Variants in PTPRN observed in about 807,000 individuals in gnomAD.
PTPRN encodes receptor-type tyrosine-protein phosphatase-like N.
A neutral mutation model predicts 108.5 loss-of-function variants in PTPRN; 70 were observed. The observed-to-expected ratio is 0.65, with a 90% CI of 0.53 to 0.79. The LOEUF (loss-of-function observed/expected upper bound fraction) is 0.79. Among genes scored for constraint, PTPRN ranks in the 30% least tolerant of loss-of-function variants. The pLI is 0.00. For synonymous variants in PTPRN, 496 were observed against 524.6 expected (o/e 0.95, Z 0.75); for missense variants, 1,136 against 1,295.5 (o/e 0.88, Z 1.89).
chr2:219,301,953 G>A (rs754929625), intron 6 of PTPRN, among the ~76,000 whole-genome samples, 184 bp downstream of exon 6: 4 of 152,160 alleles, frequency 2.6e-5, no homozygotes, highest in Admixed American at 6.6e-5. Context: ...GGAGAGTCAC[G>A]TCAACTCCAC....
Position 219,289,869 on chromosome 2 carries a change from A to G in PTPRN, c.*357T>C. ...CCACCCCATTCTTCCATACTGGAGC[A>G]TAGGGGGACACACACAGATGTTCAG... is the stretch of plus-strand genomic sequence containing the variant. On this transcript the variant is annotated 3_prime_UTR_variant, in exon 23 of 23. Transcript: ENST00000295718. 4.2e-6 allele frequency: 1 copy of G among 239,584 alleles called. No individual in the cohort carries two copies. Among genetic ancestry groups the G allele is most frequent in the South Asian group, 6.2e-5 (1 of 16,240 alleles). The allele number at this position is 239,584 out of a possible 1,614,324, so 14.8% of individuals were successfully genotyped here. A position where few individuals can be genotyped will look rare whatever the true frequency, so the allele number is the denominator to read the frequency against.
At position 219,297,281 on chromosome 2, in the gene PTPRN, C is replaced by T. The variant is rs1296237082; in HGVS notation, c.2040G>A (p.Glu680=). ...SSHSSTPSWC[E]EPAQANMDIS... ...TGTCCATGTTGGCTTGGGCCGGCTC[C>T]TCGCACCAGGACGGGGTGCTGCTGT... is the stretch of plus-strand genomic sequence containing the variant. The change falls in exon 14 of 23, where the codon GAG becomes GAA. Residue 680 remains glutamate (E), a synonymous_variant. Transcript: ENST00000295718. This position sits in a 1 kb window ranked among gnomAD's most constrained non-coding sequence, Gnocchi z 6.0. The T allele has an allele frequency of 1.2e-6, 2 of 1,614,090 alleles. No individual in the cohort carries two copies. The highest frequency in any genetic ancestry group is 1.7e-5 in the Admixed American group (1 of 60,022).
At chr2:219,299,904 G>C in intron 9 of PTPRN, 81 bp downstream of exon 9, 1 of 1,585,316 alleles carries the variant, frequency 6.3e-7, no homozygotes, top group East Asian at 2.2e-5. Context: ...TGCACGTCTG[G>C]ATTTCTGCCC....
chr2:219,301,255 A>G (rs1034609512), intron 7 of PTPRN, among the ~76,000 whole-genome samples: 2 of 152,122 alleles, frequency 1.3e-5, no homozygotes, highest in African/African-American at 2.4e-5. Context: ...CCCATCAATT[A>G]CTGGCTTCTT....
In PTPRN at chr2:219,302,215, C is replaced by T. The variant is rs768930344; in HGVS notation, c.916G>A (p.Glu306Lys). 6.2e-7 allele frequency: 1 copy of T among 1,614,090 alleles called. No individual in the cohort carries two copies. The highest frequency in any genetic ancestry group is 1.1e-5 in the South Asian group (1 of 91,074). Residue 306 changes from glutamate (E) to lysine (K), a missense_variant, in exon 6 of 23, where the codon GAG (glutamate) becomes AAG (lysine). Physicochemically the swap from Glu to Lys is moderately conservative, Grantham distance 56. Coordinates refer to ENST00000295718, the MANE Select transcript of PTPRN (RefSeq NM_002846.4). ...TTCTCATAGCCCTCTGGGGAGTCCTCTGCCCGGCTGCTGCTCCCTTGCTCT... is the reference window on the plus strand; with the variant it reads ...TTCTCATAGCCCTCTGGGGAGTCCTTTGCCCGGCTGCTGCTCCCTTGCTCT... The part of the protein sequence containing the change: ...LPEQGSSSRA[E>K]DSPEGYEKEG...
At position 219,307,658 on chromosome 2, in the gene PTPRN, C is replaced by T. The variant is rs1012958902; in HGVS notation, c.167-101G>A. The T allele has an allele frequency of 2.8e-6, 4 of 1,445,530 alleles. No homozygotes were observed. In the African/African-American group the frequency reaches 5.6e-5, roughly 20 times the overall value. 89.5% of individuals were successfully genotyped at this position (1,445,530 alleles called of 1,614,324 possible). On this transcript the variant is annotated intron_variant, in intron 2 of 22. Transcript: ENST00000295718. ...ACTCTCTTCACTTTCTCCCCTACCT[C>T]TCCTCCTCCAGGCAAGTCTTCCTTC...
At position 219,299,346 on chromosome 2, in the gene PTPRN, T is replaced by A; in HGVS notation, c.1562A>T (p.Asn521Ile). 1 of 1,614,250 alleles carries A rather than the reference T, an allele frequency of 6.2e-7. No individual in the cohort carries two copies. Among genetic ancestry groups the A allele is most frequent in the Non-Finnish European group, 8.5e-7 (1 of 1,180,040 alleles). ...ATCAGCCAAAGACAGGTTCTGCTCA[T>A]TGTGCCGGATGCGGAAGGTGAGGGC... ...GPALTFRIRH[N>I]EQNLSLADVT... Residue 521 changes from asparagine to isoleucine, a missense_variant, in exon 11 of 23, where the codon AAT becomes ATT. Asn to Ile is a moderately radical substitution (Grantham distance 149). Coordinates refer to ENST00000295718, the MANE Select transcript of PTPRN (RefSeq NM_002846.4).
At chr2:219,291,840 A>G (rs1952061714) in intron 19 of PTPRN, 1 of 446,682 alleles carries the variant, frequency 2.2e-6, no homozygotes, top group African/African-American at 2.0e-5. Context: ...GGGTTCTTAC[A>G]ATGATCACAT....
Position 219,290,409 on chromosome 2 carries a change from G to A in PTPRN, c.2869-112C>T. The A allele has an allele frequency of 1.4e-6, 2 of 1,399,142 alleles. No homozygotes were observed. Among genetic ancestry groups the A allele is most frequent in the Non-Finnish European group, 2.0e-6 (2 of 1,008,078 alleles). The allele number at this position is 1,399,142 out of a possible 1,614,324, so 86.7% of individuals were successfully genotyped here. A position where few individuals can be genotyped will look rare whatever the true frequency, so the allele number is the denominator to read the frequency against. On this transcript the variant is annotated intron_variant, in intron 22 of 22. Coordinates refer to ENST00000295718, the MANE Select transcript of PTPRN (RefSeq NM_002846.4). This position sits in a 1 kb window ranked among gnomAD's most constrained non-coding sequence, Gnocchi z 4.2. ...CCCTGGGCAGGTCCCCTGGGAGGAA[G>A]GGAGCCCTCCTGGAGGAGGCGCAGA...
At position 219,295,136 on chromosome 2, in the gene PTPRN, G is replaced by A. The variant is rs1293137316; in HGVS notation, c.2514C>T (p.Asn838=). ...GASLYHVYEV[N]LVSEHIWCED... ...CGCACCAGATGTGCTCCGACACCAG[G>A]TTCACCTGCCCGGCAGGGGCCCAGG... Residue 838 remains asparagine (N), a synonymous_variant, in exon 19 of 23, where the codon AAC becomes AAT. Coordinates refer to ENST00000295718, the MANE Select transcript of PTPRN (RefSeq NM_002846.4). The A allele has an allele frequency of 2.5e-6, 4 of 1,609,668 alleles. No homozygotes were observed. The highest frequency in any genetic ancestry group is 2.7e-5 in the African/African-American group (2 of 74,510).
intron 10 of PTPRN, 46 bp from the exon 11 acceptor site, chr2:219,299,430 A>G (rs1176279691): frequency 6.3e-7 from 1 of 1,589,878 alleles, no homozygotes; most frequent in Non-Finnish European, 8.6e-7. Flanking sequence ...CCCAGACCGC[A>G]GACTTCAAAA....
At chr2:219,309,046 T>A in intron 1 of PTPRN, 172 bp downstream of exon 1, 29 of 1,391,144 alleles carry the variant, frequency 2.1e-5, no homozygotes, top group East Asian at 6.4e-5. Flanking sequence ...CCTCCAGGCC[T>A]ACGCCCCTTT....
At position 219,296,130 on chromosome 2, in the gene PTPRN, A is replaced by C. The variant is rs1952187974; in HGVS notation, c.2508+96T>G. On this transcript the variant is annotated intron_variant, in intron 18 of 22. Coordinates refer to ENST00000295718, the MANE Select transcript of PTPRN (RefSeq NM_002846.4). This position sits in a 1 kb window ranked among gnomAD's most constrained non-coding sequence, Gnocchi z 6.0. ...GGCCAATAAAAGCCTTTTTAAAAAG[A>C]CTGTTGAGTGCTCATTTGGTGAAGA... 1 of 1,555,042 alleles carries C rather than the reference A, an allele frequency of 6.4e-7. No individual in the cohort carries two copies. The highest frequency in any genetic ancestry group is 8.8e-7 in the Non-Finnish European group (1 of 1,135,316).
At chr2:219,294,274 A>T in intron 19 of PTPRN, 2 of 428,040 alleles carry the variant, frequency 4.7e-6, no homozygotes, top group Admixed American at 4.8e-5. Context: ...AGGGAGAGGG[A>T]GAGACGGACA....
At chr2:219,301,555 G>T (rs1323899035) in intron 7 of PTPRN, 33 bp downstream of exon 7, 3 of 1,587,572 alleles carry the variant, frequency 1.9e-6, no homozygotes, top group African/African-American at 1.3e-5. Flanking sequence ...GGAGCCGGGA[G>T]ATATTGGTCC....
At chr2:219,307,882 C>T (rs753082801) in intron 1 of PTPRN, 40 bp from the exon 2 acceptor site, 4 of 1,597,924 alleles carry the variant, frequency 2.5e-6, no homozygotes, top group Admixed American at 3.3e-5. Flanking sequence ...GACACCCACT[C>T]ACAGAGAATG....
chr2:219,297,367 A>G lies in PTPRN; in HGVS notation c.1954T>C (p.Ser652Pro). 3 of 1,614,028 alleles carry G rather than the reference A, an allele frequency of 1.9e-6. No homozygotes were observed. Among genetic ancestry groups the G allele is most frequent in the Non-Finnish European group, 2.5e-6 (3 of 1,180,006 alleles). The part of the protein sequence containing the change: ...FNRAEGPPEP[S>P]RVSSVSSQFS... ...TGGGAGGACACACTGCTCACCCGTG[A>G]AGGCTCCGGTGGACCCTCTGCCCGG... The change falls in exon 14 of 23, where the codon TCA (serine) becomes CCA (proline). Residue 652 changes from serine (S) to proline (P), a missense_variant. Transcript: ENST00000295718. This position sits in a 1 kb window ranked among gnomAD's most constrained non-coding sequence, Gnocchi z 6.0.
chr2:219,302,940 A>C, intron 4 of PTPRN, 103 bp from the exon 5 acceptor site: 1 of 1,235,798 alleles, frequency 8.1e-7, no homozygotes, highest in Non-Finnish European at 1.1e-6. Context: ...GGTTAAGAGC[A>C]GGCCTGACCT....
intron 9 of PTPRN, 64 bp from the exon 10 acceptor site, chr2:219,299,850 AG>A: frequency 3.2e-6 from 5 of 1,551,250 alleles, no homozygotes; most frequent in Non-Finnish European, 4.4e-6. Flanking sequence ...TTCTTAAAAC[AG>A]GCCACTCCAG....
Sources: gnomAD v4.1 joint callset for allele counts (sites outside exome capture counted in the v4.1 genomes callset) on GRCh38, gnomAD v4.1.1 for gene constraint, Gnocchi (gnomAD v3.1) non-coding constraint, MANE v1.5 for transcripts, NCBI Gene and HGNC (gene_info 2026-07-23, HGNC 2026-07-21) for gene names.